The following CLTC variants were observed in gnomAD, a reference collection of about 807,000 sequenced individuals.
The protein encoded by CLTC is clathrin heavy chain 1.
A neutral mutation model predicts 195.8 loss-of-function variants in CLTC; 16 were observed. That is an observed-to-expected ratio of 0.08 (90% CI 0.06 to 0.12). CLTC has a LOEUF of 0.12. Ranked by LOEUF, CLTC falls within the 10% of genes least tolerant of loss-of-function variation. The pLI is 1.00. For missense variants in CLTC, 796 were observed against 2,027.0 expected, an observed-to-expected ratio of 0.39 and a Z score of 11.66; for synonymous variants, 667 against 689.4, an observed-to-expected ratio of 0.97 and a Z score of 0.51.
At chr17:59,674,395 G>A (rs2032920469) in intron 15 of CLTC, among the ~76,000 whole-genome samples, 1 of 152,106 alleles carries the variant, frequency 6.6e-6, no homozygotes, top group Non-Finnish European at 1.5e-5. Context: ...ATCTTTGACT[G>A]TATCTTCTTT....
In CLTC at chr17:59,652,592, G is replaced by A. The variant is rs144796907; in HGVS notation, c.795+1276G>A. Among the ~76,000 whole-genome samples, 506 of 152,282 alleles carry A rather than the reference G, an allele frequency of 3.3e-3. 3 individuals are homozygous for A. The highest frequency in any genetic ancestry group is 0.012 in the African/African-American group (486 of 41,556). Reference sequence around the variant, plus strand: ...TTGGGTGACTATGTGCATTGTCGATGAGCAGTAACATTTTGAAAGGAATCT... The same window carrying A: ...TTGGGTGACTATGTGCATTGTCGATAAGCAGTAACATTTTGAAAGGAATCT... On this transcript the variant is annotated intron_variant, in intron 5 of 31. Transcript: ENST00000269122.
intron 1 of CLTC, among the ~76,000 whole-genome samples, chr17:59,622,098 C>A (rs2031398917): frequency 6.6e-6 from 1 of 152,174 alleles, no homozygotes; most frequent in African/African-American, 2.4e-5. Context: ...TTATTAAAGA[C>A]AAATTTAATA....
At chr17:59,680,814 C>A in intron 18 of CLTC, 98 bp from the exon 19 acceptor site, 6 of 908,742 alleles carry the variant, frequency 6.6e-6, no homozygotes, top group Non-Finnish European at 8.2e-6. Context: ...CTACTTCATT[C>A]TTTTCTGCCT....
intron 1 of CLTC, among the ~76,000 whole-genome samples, chr17:59,621,159 T>C (rs566570827): frequency 6.6e-6 from 1 of 152,368 alleles, no homozygotes; most frequent in East Asian, 1.9e-4. Context: ...CATATTGTTA[T>C]CTGGCAACAT....
chr17:59,682,705 G>A lies in CLTC; in HGVS notation c.3677G>A (p.Arg1226His), dbSNP rs748994450. ...LLYNNVSNFG[R>H]LASTLVHLGE... The stretch of plus-strand genomic sequence containing the variant: ...TACAATAATGTTTCCAATTTTGGAC[G>A]TTTGGCATCTACCCTGGTTCACCTG... The change falls in exon 23 of 32, where the codon CGT (arginine) becomes CAT (histidine). Residue 1226 changes from arginine (R) to histidine (H), a missense_variant. Transcript: ENST00000269122. The surrounding 1 kb of genome is among the most constrained non-coding windows in gnomAD (Gnocchi z 6.8). 17 of 1,613,928 alleles carry A rather than the reference G, an allele frequency of 1.1e-5. No homozygotes were observed. The highest frequency in any genetic ancestry group is 5.1e-6 in the Non-Finnish European group (6 of 1,180,000).
Position 59,679,434 on chromosome 17 carries a change from G to T in CLTC, c.2834G>T (p.Arg945Leu). The T allele has an allele frequency of 6.2e-7, 1 of 1,605,880 alleles. No individual in the cohort carries two copies. Among genetic ancestry groups the T allele is most frequent in the Non-Finnish European group, 8.5e-7 (1 of 1,175,668 alleles). Residue 945 changes from arginine to leucine, a missense_variant, in exon 18 of 32, where the codon CGC becomes CTC. Coordinates refer to ENST00000269122, the MANE Select transcript of CLTC (RefSeq NM_004859.4). The stretch of plus-strand genomic sequence containing the variant: ...AATTCCCTCTTCAAAAGTCTTTCTC[G>T]CTACCTGGTACGTCGAAAGGATCCA... ...NENSLFKSLS[R>L]YLVRRKDPEL...
At chr17:59,650,394 A>C (rs2032298997) in intron 4 of CLTC, among the ~76,000 whole-genome samples, 1 of 152,176 alleles carries the variant, frequency 6.6e-6, no homozygotes, top group Non-Finnish European at 1.5e-5. Flanking sequence ...GCTAGGAGAA[A>C]AGTACCATTG....
intron 1 of CLTC, among the ~76,000 whole-genome samples, chr17:59,631,756 A>G (rs1053108874): frequency 1.3e-5 from 2 of 151,604 alleles, no homozygotes; most frequent in South Asian, 4.2e-4. Flanking sequence ...GGATTGCTTC[A>G]ACCCAGGCAT....
At chr17:59,661,701 A>C in intron 8 of CLTC, 58 bp downstream of exon 8, 1 of 1,475,994 alleles carries the variant, frequency 6.8e-7, no homozygotes, top group Non-Finnish European at 9.4e-7. Flanking sequence ...TGATATTGGC[A>C]AGTTAAAATC....
At chr17:59,670,452 C>G (rs1330008673) in intron 14 of CLTC, among the ~76,000 whole-genome samples, 1 of 152,052 alleles carries the variant, frequency 6.6e-6, no homozygotes, top group Non-Finnish European at 1.5e-5. Context: ...CCATCCTCCA[C>G]CCTTCAGTAG....
Position 59,695,807 on chromosome 17 carries a change from C to T in CLTC, c.*1955C>T. 5.2e-6 allele frequency: 1 copy of T among 191,348 alleles called. No individual in the cohort carries two copies. The highest frequency in any genetic ancestry group is 2.3e-5 in the African/African-American group (1 of 42,724). 11.9% of individuals were successfully genotyped at this position (191,348 alleles called of 1,614,324 possible). On this transcript the variant is annotated 3_prime_UTR_variant, in exon 32 of 32. Coordinates refer to ENST00000269122, the MANE Select transcript of CLTC (RefSeq NM_004859.4). ...TCAGTTTTCCCCACCACTGCTTTTG[C>T]ACCCTCAGTGCAAATATCAACACAG... is the stretch of plus-strand genomic sequence containing the variant.
intron 1 of CLTC, among the ~76,000 whole-genome samples, chr17:59,629,300 T>C (rs1299929800): frequency 1.3e-5 from 2 of 152,150 alleles, no homozygotes; most frequent in Non-Finnish European, 1.5e-5. Flanking sequence ...CTCCATAGTA[T>C]TGTGTCCTCT....
intron 5 of CLTC, 52 bp from the exon 6 acceptor site, chr17:59,655,802 T>A: frequency 7.1e-7 from 1 of 1,412,008 alleles, no homozygotes; most frequent in Non-Finnish European, 9.4e-7. Context: ...ATGTTTTTAT[T>A]TTCTGTTTGT....
At chr17:59,636,932 CTTTTTTTTT>C (rs771908096) in intron 1 of CLTC, among the ~76,000 whole-genome samples, 1 of 103,672 alleles carries the variant, frequency 9.6e-6, no homozygotes. Flanking sequence ...CCGGCTAATT[CTTTTTTTTT>C]TTTTTTTTTT....
At chr17:59,669,785 G>A (rs1410277548) in intron 14 of CLTC, among the ~76,000 whole-genome samples, 2 of 151,788 alleles carry the variant, frequency 1.3e-5, no homozygotes, top group Non-Finnish European at 2.9e-5. Context: ...TTTTTGTCTT[G>A]GAAGAATTTT....
chr17:59,646,543 G>A (rs993999662), intron 2 of CLTC, among the ~76,000 whole-genome samples: 3 of 151,608 alleles, frequency 2.0e-5, no homozygotes, highest in Non-Finnish European at 4.4e-5. Flanking sequence ...GTTTTTCTTA[G>A]TCTTTAAAGA....
At chr17:59,668,980 A>G in intron 14 of CLTC, 40 bp downstream of exon 14, 1 of 1,566,056 alleles carries the variant, frequency 6.4e-7, no homozygotes, top group Non-Finnish European at 8.6e-7. Context: ...GTTGGATTCC[A>G]GGTTAGCAGT....
chr17:59,650,025 A>T (rs531860870), intron 4 of CLTC, among the ~76,000 whole-genome samples: 1 of 152,330 alleles, frequency 6.6e-6, no homozygotes, highest in African/African-American at 2.4e-5. Context: ...TTTTGAAGGA[A>T]GATACCAAGT....
At chr17:59,665,973 C>A in intron 10 of CLTC, 130 bp from the exon 11 acceptor site, 1 of 577,282 alleles carries the variant, frequency 1.7e-6, no homozygotes, top group African/African-American at 1.8e-5. Context: ...CCCTAGAGGA[C>A]AAAAATTTGT....
Sources: gnomAD v4.1 joint callset for allele counts (sites outside exome capture counted in the v4.1 genomes callset) on GRCh38, gnomAD v4.1.1 for gene constraint, Gnocchi (gnomAD v3.1) non-coding constraint, MANE v1.5 for transcripts, NCBI Gene and HGNC (gene_info 2026-07-23, HGNC 2026-07-21) for gene names.